CMYA5: variants seen among roughly 807,000 people sequenced by gnomAD.
CMYA5 encodes the protein cardiomyopathy associated 5, also known as cardiomyopathy-associated protein 5.
In CMYA5, 246 loss-of-function variants were observed where a neutral mutation model predicts 318.9. The ratio of observed to expected loss-of-function variants is 0.77; its 90% CI spans 0.70 to 0.86. CMYA5 has a LOEUF of 0.86. CMYA5 is among the 40% of genes least tolerant of loss of function. The pLI, the probability that CMYA5 is intolerant of heterozygous loss-of-function variation, is 0.00. For synonymous variants in CMYA5, 1,641 were observed against 1,729.5 expected, an observed-to-expected ratio of 0.95 and a Z score of 1.27; for missense variants, 4,589 against 4,678.2, an observed-to-expected ratio of 0.98 and a Z score of 0.56.
Position 79,690,023 on chromosome 5 carries a change from C to A in CMYA5, c.116C>A (p.Thr39Lys). ...GAGTCGGAGGGCGAGGAGGACGAGA[C>A]GGCGGCGGAGTCGGAGGAGGAGCCG... Reference protein sequence around the residue: ...EEESEGEEDETAAESEEEPDS... With the variant: ...EEESEGEEDEKAAESEEEPDS... The change falls in exon 1 of 13, where the codon ACG becomes AAG. Residue 39 changes from threonine to lysine, a missense_variant. By Grantham distance (78) the Thr-to-Lys change is moderately conservative. Coordinates refer to ENST00000446378, the MANE Select transcript of CMYA5 (RefSeq NM_153610.5). 6.8e-7 allele frequency: 1 copy of A among 1,478,498 alleles called. No individual in the cohort carries two copies. Among genetic ancestry groups the A allele is most frequent in the Non-Finnish European group, 9.0e-7 (1 of 1,109,982 alleles). The allele number at this position is 1,478,498 out of a possible 1,614,324, so 91.6% of individuals were successfully genotyped here.
At chr5:79,714,361 C>G (rs1032018401) in intron 1 of CMYA5, among the ~76,000 whole-genome samples, 18 of 151,950 alleles carry the variant, frequency 1.2e-4, no homozygotes, top group Non-Finnish European at 2.5e-4. Context: ...ATTCAAACAG[C>G]ATGCCCCACT....
Position 79,736,897 on chromosome 5 carries a change from A to C in CMYA5, c.8132A>C (p.Glu2711Ala). 6.2e-7 allele frequency: 1 copy of C among 1,613,380 alleles called. No homozygotes were observed. The highest frequency in any genetic ancestry group is 2.2e-5 in the East Asian group (1 of 44,852). ...KAVGTQPRPL[E>A]ESKVLVEKTK... ...GTAGGAACCCAACCACGTCCTTTAG[A>C]AGAAAGTAAAGTTTTGGTGGAGAAA... The change falls in exon 2 of 13, where the codon GAA becomes GCA. Residue 2711 changes from glutamate to alanine, a missense_variant. By Grantham distance (107) the Glu-to-Ala change is moderately radical. Around this residue, in one of 3 missense-constraint regions of CMYA5, gnomAD observed 2,431 missense variants for 2,495.1 expected, o/e 0.97. Coordinates refer to ENST00000446378, the MANE Select transcript of CMYA5 (RefSeq NM_153610.5).
At chr5:79,795,499 C>T (rs966166738) in intron 12 of CMYA5, among the ~76,000 whole-genome samples, 3 of 152,168 alleles carry the variant, frequency 2.0e-5, no homozygotes, top group Non-Finnish European at 4.4e-5. Context: ...AAGGCTTCCG[C>T]ACCTCCTCTG....
At chr5:79,754,444 C>CAGGTGAGGAA (rs540371463) in intron 6 of CMYA5, among the ~76,000 whole-genome samples, 1 of 152,060 alleles carries the variant, frequency 6.6e-6, no homozygotes, top group African/African-American at 2.4e-5. Context: ...TCCCATTTGA[C>CAGGTGAGGAA]AGGTGAGGAA....
intron 1 of CMYA5, among the ~76,000 whole-genome samples, chr5:79,712,747 T>G (rs2151078797): frequency 6.6e-6 from 1 of 152,316 alleles, no homozygotes; most frequent in African/African-American, 2.4e-5. Flanking sequence ...CTTCTACTTT[T>G]TGGACTGATT....
chr5:79,707,749 G>GA (rs1827301489), intron 1 of CMYA5, among the ~76,000 whole-genome samples: 1 of 152,148 alleles, frequency 6.6e-6, no homozygotes, highest in Non-Finnish European at 1.5e-5. Flanking sequence ...TTCAAGCCCC[G>GA]GAAAGGAAGG....
At chr5:79,781,657 G>A (rs1829017616) in intron 9 of CMYA5, among the ~76,000 whole-genome samples, 1 of 58,608 alleles carries the variant, frequency 1.7e-5, no homozygotes, top group African/African-American at 1.4e-4. Flanking sequence ...GAGTGTATGT[G>A]TCCAGGAATG....
intron 9 of CMYA5, among the ~76,000 whole-genome samples, chr5:79,785,045 C>G (rs1829058216): frequency 1.4e-5 from 2 of 147,240 alleles, no homozygotes; most frequent in African/African-American, 2.5e-5. Context: ...GTATGGCTAT[C>G]TAGCTGTCCC....
intron 1 of CMYA5, among the ~76,000 whole-genome samples, chr5:79,707,474 T>G (rs1827295872): frequency 1.3e-5 from 2 of 152,228 alleles, no homozygotes; most frequent in African/African-American, 4.8e-5. Flanking sequence ...ATATTAATTT[T>G]GCTTAGTTAC....
chr5:79,793,627 C>A lies in CMYA5; in HGVS notation c.11963+17C>A. On this transcript the variant is annotated intron_variant, in intron 12 of 12. Coordinates refer to ENST00000446378, the MANE Select transcript of CMYA5 (RefSeq NM_153610.5). ...GCCACAGAGGTAAGCGAGCCCTTCC[C>A]CTCCCCTCTTCATCAAAATATTATG... is the stretch of plus-strand genomic sequence containing the variant. The A allele has an allele frequency of 6.3e-7, 1 of 1,579,880 alleles. No individual in the cohort carries two copies. The highest frequency in any genetic ancestry group is 1.1e-5 in the South Asian group (1 of 88,586).
At chr5:79,725,414 G>A (rs970212101) in intron 1 of CMYA5, among the ~76,000 whole-genome samples, 3 of 152,132 alleles carry the variant, frequency 2.0e-5, no homozygotes, top group African/African-American at 7.2e-5. Context: ...GCTAAATTTT[G>A]GGTACACATG....
chr5:79,750,191 T>C (rs1828404617), intron 5 of CMYA5, among the ~76,000 whole-genome samples: 2 of 152,180 alleles, frequency 1.3e-5, no homozygotes, highest in South Asian at 2.1e-4. Context: ...GTAGCCACCG[T>C]TGCCTTCCAT....
At chr5:79,724,083 C>T (rs569963455) in intron 1 of CMYA5, among the ~76,000 whole-genome samples, 7 of 151,714 alleles carry the variant, frequency 4.6e-5, no homozygotes, top group Non-Finnish European at 5.9e-5. Context: ...TTTGGGAGGC[C>T]GAGGTGGGTG....
In CMYA5 at chr5:79,744,969, T is replaced by A. The variant is rs552961745; in HGVS notation, c.10735-253T>A. The stretch of plus-strand genomic sequence containing the variant: ...GGTGGGCAAGACTTCCATATGAAAA[T>A]ATATATATTTTGTATTATGGTAGCT... On this transcript the variant is annotated intron_variant, in intron 3 of 12. Coordinates refer to ENST00000446378, the MANE Select transcript of CMYA5 (RefSeq NM_153610.5). 2.4e-4 allele frequency among the ~76,000 whole-genome samples: 36 copies of A among 152,292 alleles called. No homozygotes were observed. The Middle Eastern group carries it at 0.017, about 72-fold the overall frequency.
At chr5:79,712,293 A>G (rs1403542709) in intron 1 of CMYA5, among the ~76,000 whole-genome samples, 1 of 152,010 alleles carries the variant, frequency 6.6e-6, no homozygotes, top group East Asian at 1.9e-4. Flanking sequence ...GGCTCACCGC[A>G]ACCTTAGTCT....
chr5:79,729,396 G>C lies in CMYA5; in HGVS notation c.631G>C (p.Glu211Gln). 1 of 1,613,704 alleles carries C rather than the reference G, an allele frequency of 6.2e-7. No individual in the cohort carries two copies. Among genetic ancestry groups the C allele is most frequent in the Non-Finnish European group, 8.5e-7 (1 of 1,179,792 alleles). Reference protein sequence around the residue: ...TPPITGAIYKEHKPLVLRPVY... With the variant: ...TPPITGAIYKQHKPLVLRPVY... ...TCCGATTACTGGGGCAATATACAAA[G>C]AACACAAGCCATTAGTGTTAAGACC... Residue 211 changes from glutamate (E) to glutamine (Q), a missense_variant, in exon 2 of 13, where the codon GAA (glutamate) becomes CAA (glutamine). Physicochemically the swap from Glu to Gln is conservative, Grantham distance 29. Coordinates refer to ENST00000446378, the MANE Select transcript of CMYA5 (RefSeq NM_153610.5).
rs931908038 is a variant in CMYA5 at position 79,732,907 on chromosome 5, C to T, written c.4142C>T (p.Thr1381Ile). The T allele has an allele frequency of 6.2e-7, 1 of 1,613,778 alleles. No homozygotes were observed. Among genetic ancestry groups the T allele is most frequent in the Non-Finnish European group, 8.5e-7 (1 of 1,179,808 alleles). The change falls in exon 2 of 13, where the codon ACT becomes ATT. Residue 1381 changes from threonine to isoleucine, a missense_variant. Physicochemically the swap from Thr to Ile is moderately conservative, Grantham distance 89 (BLOSUM62 -1). Around this residue, in one of 3 missense-constraint regions of CMYA5, gnomAD observed 2,132 missense variants for 2,131.3 expected, o/e 1.00. Coordinates refer to ENST00000446378, the MANE Select transcript of CMYA5 (RefSeq NM_153610.5). Reference protein sequence around the residue: ...EEIPTDSSLITPVDRPVLTKV... With the variant: ...EEIPTDSSLIIPVDRPVLTKV... ...ATCCCAACAGATTCATCTCTTATCACTCCTGTAGATCGTCCAGTCTTAACA... is the reference window on the plus strand; with the variant it reads ...ATCCCAACAGATTCATCTCTTATCATTCCTGTAGATCGTCCAGTCTTAACA...
intron 9 of CMYA5, among the ~76,000 whole-genome samples, chr5:79,765,998 T>G (rs1324762759): frequency 1.3e-5 from 2 of 152,228 alleles, no homozygotes; most frequent in African/African-American, 4.8e-5. Context: ...CTTGCCTGAT[T>G]GCCCTGGCCA....
In CMYA5 at chr5:79,734,119, A is replaced by T; in HGVS notation, c.5354A>T (p.Asp1785Val). ...AATTTGAAGGCACAAGTCATGGGAG[A>T]TATTTTAGATAAGCTAAGTGAAGAA... is the stretch of plus-strand genomic sequence containing the variant. ...TGNLKAQVMG[D>V]ILDKLSEETG... Residue 1785 changes from aspartate (D) to valine (V), a missense_variant, in exon 2 of 13, where the codon GAT (aspartate) becomes GTT (valine). This residue lies in a region of CMYA5 where 2,132 missense variants were observed against 2,131.3 expected (regional missense o/e 1.00). Coordinates refer to ENST00000446378, the MANE Select transcript of CMYA5 (RefSeq NM_153610.5). 1 of 1,613,804 alleles carries T rather than the reference A, an allele frequency of 6.2e-7. No homozygotes were observed. Among genetic ancestry groups the T allele is most frequent in the Non-Finnish European group, 8.5e-7 (1 of 1,179,816 alleles).
Sources: gnomAD v4.1 joint callset for allele counts (sites outside exome capture counted in the v4.1 genomes callset) on GRCh38, gnomAD v4.1.1 for gene constraint, gnomAD v4.1.1 regional missense constraint, MANE v1.5 for transcripts, NCBI Gene and HGNC (gene_info 2026-07-23, HGNC 2026-07-21) for gene names.